CDKAL1: variants seen among roughly 807,000 people sequenced by gnomAD.
CDKAL1 encodes the protein CDKAL1 threonylcarbamoyladenosine tRNA methylthiotransferase.
In CDKAL1, 32 loss-of-function variants were observed where a neutral mutation model predicts 68.2. That is an observed-to-expected ratio of 0.47 (90% CI 0.35 to 0.63). The LOEUF is 0.63. Ranked by LOEUF, CDKAL1 falls within the 30% of genes least tolerant of loss-of-function variation. CDKAL1 has a pLI of 0.00. For synonymous variants in CDKAL1, 234 were observed against 244.3 expected (o/e 0.96, Z 0.39); for missense variants, 606 against 696.7 (o/e 0.87, Z 1.47).
intron 12 of CDKAL1, among the ~76,000 whole-genome samples, chr6:21,073,944 T>C (rs1449985088): frequency 6.6e-6 from 1 of 152,224 alleles, no homozygotes; most frequent in Non-Finnish European, 1.5e-5. Context: ...CTAGGCCAAC[T>C]TGTGAAGCTG....
At chr6:20,652,837 C>T (rs1014074599) in intron 5 of CDKAL1, among the ~76,000 whole-genome samples, 2 of 152,108 alleles carry the variant, frequency 1.3e-5, no homozygotes, top group African/African-American at 2.4e-5. Flanking sequence ...TTGTCAAGAC[C>T]GTAGAAACTG....
chr6:20,668,541 G>A (rs1769659359), intron 5 of CDKAL1, among the ~76,000 whole-genome samples: 1 of 152,172 alleles, frequency 6.6e-6, no homozygotes, highest in South Asian at 2.1e-4. Context: ...ACTATGTAGA[G>A]TATGTAAACA....
chr6:20,663,158 C>T (rs1562007072), intron 5 of CDKAL1, among the ~76,000 whole-genome samples: 3 of 152,194 alleles, frequency 2.0e-5, no homozygotes, highest in South Asian at 2.1e-4. Flanking sequence ...GCTCAAAACC[C>T]GTGCTTGCAT....
intron 5 of CDKAL1, among the ~76,000 whole-genome samples, chr6:20,667,644 C>T (rs563351096): frequency 9.2e-5 from 14 of 152,084 alleles, no homozygotes; most frequent in Non-Finnish European, 1.6e-4. Flanking sequence ...TCTTCTGCCA[C>T]GTTCAATGTG....
chr6:20,793,580 G>A (rs1423559394), intron 8 of CDKAL1, among the ~76,000 whole-genome samples: 3 of 151,876 alleles, frequency 2.0e-5, no homozygotes, highest in Non-Finnish European at 4.4e-5. Flanking sequence ...TTTATCAAAT[G>A]ATTGTTTATC....
intron 13 of CDKAL1, among the ~76,000 whole-genome samples, chr6:21,123,578 C>T (rs1376571421): frequency 6.6e-6 from 1 of 152,216 alleles, no homozygotes; most frequent in Non-Finnish European, 1.5e-5. Context: ...TTGTTAAAAA[C>T]TCAACCTGTC....
intron 13 of CDKAL1, among the ~76,000 whole-genome samples, chr6:21,116,810 C>T (rs1774435459): frequency 6.6e-6 from 1 of 152,118 alleles, no homozygotes; most frequent in African/African-American, 2.4e-5. Context: ...ATGGCAGTTA[C>T]TGTATTTTCA....
intron 9 of CDKAL1, among the ~76,000 whole-genome samples, chr6:20,849,508 G>A (rs1247554432): frequency 5.3e-5 from 8 of 150,366 alleles, no homozygotes; most frequent in Admixed American, 1.3e-4. Flanking sequence ...GCGTGAACCC[G>A]GGAGGCGGAG....
At chr6:21,149,892 C>G (rs777757205) in intron 13 of CDKAL1, among the ~76,000 whole-genome samples, 1 of 152,142 alleles carries the variant, frequency 6.6e-6, no homozygotes, top group Admixed American at 6.6e-5. Flanking sequence ...GAGTCTTGCT[C>G]TGGCACCCAG....
rs1456019627 is a variant in CDKAL1 at position 20,943,343 on chromosome 6, AAG to A, written c.743-12074_743-12073del. Among the ~76,000 whole-genome samples the A allele has an allele frequency of 7.0e-4, 51 of 73,176 alleles. 1 individual carries two copies. The highest frequency in any genetic ancestry group is 2.4e-3 in the African/African-American group (45 of 18,374). 48.0% of individuals were successfully genotyped at this position (73,176 alleles called of 152,430 possible). On this transcript the variant is annotated intron_variant, in intron 9 of 15. Transcript: ENST00000274695. ...CTTGTTTTTTCAAAAAAAAAAAAAA[AAG>A]AAAAAGAAAAAAAGAAAAAAAAAGT...
intron 7 of CDKAL1, among the ~76,000 whole-genome samples, chr6:20,779,667 C>T (rs1037941736): frequency 6.6e-6 from 1 of 152,238 alleles, no homozygotes; most frequent in African/African-American, 2.4e-5. Flanking sequence ...TCACTGCAAC[C>T]TCTGCTGCCC....
chr6:20,915,374 C>T (rs1762676903), intron 9 of CDKAL1, among the ~76,000 whole-genome samples: 1 of 152,138 alleles, frequency 6.6e-6, no homozygotes, highest in Non-Finnish European at 1.5e-5. Context: ...ACCAGCAAGT[C>T]TGCAGGCTTG....
At chr6:20,655,295 G>T (rs1251148166) in intron 5 of CDKAL1, among the ~76,000 whole-genome samples, 5 of 152,196 alleles carry the variant, frequency 3.3e-5, no homozygotes, top group Non-Finnish European at 7.3e-5. Context: ...TTGTGTGTAA[G>T]GAAGAGTATA....
Position 20,679,212 on chromosome 6 carries a change from C to T in CDKAL1, c.371+29835C>T, listed in dbSNP as rs577289463. 5.3e-5 allele frequency among the ~76,000 whole-genome samples: 8 copies of T among 152,356 alleles called. No individual in the cohort carries two copies. In the South Asian group the frequency reaches 1.2e-3, roughly 24 times the overall value. The stretch of plus-strand genomic sequence containing the variant: ...GATTATAGGCATGAGCCACTGTATC[C>T]GGTTTCCATTGCCTGTTTAAACATT... On this transcript the variant is annotated intron_variant, in intron 5 of 15. Transcript: ENST00000274695.
intron 8 of CDKAL1, among the ~76,000 whole-genome samples, chr6:20,810,003 G>A (rs1409203109): frequency 6.6e-6 from 1 of 152,088 alleles, no homozygotes; most frequent in African/African-American, 2.4e-5. Flanking sequence ...CATTTCTAAG[G>A]AGGCTGAATC....
intron 9 of CDKAL1, among the ~76,000 whole-genome samples, chr6:20,935,431 C>CT (rs147959758): frequency 0.18 from 25,950 of 143,024 alleles, 2,594 homozygotes; most frequent in Admixed American, 0.26. Context: ...GAAAATTAGA[C>CT]TTTTTTTTTT....
At chr6:20,976,820 T>C (rs1257172772) in intron 10 of CDKAL1, among the ~76,000 whole-genome samples, 2 of 152,348 alleles carry the variant, frequency 1.3e-5, no homozygotes, top group South Asian at 4.1e-4. Context: ...GTCACGATGT[T>C]GTTGCATATT....
intron 12 of CDKAL1, among the ~76,000 whole-genome samples, chr6:21,092,552 A>T (rs920406884): frequency 6.6e-6 from 1 of 152,034 alleles, no homozygotes; most frequent in Non-Finnish European, 1.5e-5. Context: ...TTTGCTGAGG[A>T]TGATCAATCA....
At chr6:20,880,556 A>G (rs1760760202) in intron 9 of CDKAL1, among the ~76,000 whole-genome samples, 1 of 152,210 alleles carries the variant, frequency 6.6e-6, no homozygotes, top group African/African-American at 2.4e-5. Flanking sequence ...CGCCTGGCCA[A>G]GAAACTACAT....
Sources: allele counts gnomAD v4.1 joint callset (sites outside exome capture counted in the v4.1 genomes callset), GRCh38; gene constraint gnomAD v4.1.1; transcripts MANE v1.5; gene names NCBI Gene and HGNC (gene_info 2026-07-23, HGNC 2026-07-21).